ISOC1: variants seen among roughly 807,000 people sequenced by gnomAD.
ISOC1 encodes isochorismatase domain-containing protein 1.
ISOC1 carries 33 observed loss-of-function variants against 30.0 expected under a neutral mutation model. The ratio of observed to expected loss-of-function variants is 1.10; its 90% confidence interval spans 0.83 to 1.47. The LOEUF (loss-of-function observed/expected upper bound fraction) is 1.47. Ranked by LOEUF, ISOC1 falls within the 40% of genes most tolerant of loss-of-function variation. ISOC1 has a pLI of 0.00. For synonymous variants in ISOC1, 178 were observed against 159.8 expected (o/e 1.11, Z -0.86); for missense variants, 372 against 388.0 (o/e 0.96, Z 0.35).
chr5:129,112,873 A>T lies in ISOC1; in HGVS notation c.769A>T (p.Ile257Phe), dbSNP rs1246285672. 1 of 1,613,226 alleles carries T rather than the reference A, an allele frequency of 6.2e-7. No homozygotes were observed. The highest frequency in any genetic ancestry group is 1.3e-5 in the African/African-American group (1 of 74,816). ...FALERLARTG[I>F]IVTTSEAVLL... ...GTTCAAGCGTCTCGCTCGAACCGGG[A>T]TCATAGTGACCACGAGTGAGGCTGT... is the stretch of plus-strand genomic sequence containing the variant. The change falls in exon 5 of 5, where the codon ATC becomes TTC. Residue 257 changes from isoleucine to phenylalanine, a missense_variant. Physicochemically the swap from Ile to Phe is conservative, Grantham distance 21. Coordinates refer to ENST00000173527, the MANE Select transcript of ISOC1 (RefSeq NM_016048.2).
intron 4 of ISOC1, among the ~76,000 whole-genome samples, chr5:129,109,039 C>T (rs996417916): frequency 2.0e-5 from 3 of 152,116 alleles, no homozygotes; most frequent in Non-Finnish European, 4.4e-5. Context: ...GGACTTTTTT[C>T]AAGGACTTTT....
intron 4 of ISOC1, among the ~76,000 whole-genome samples, chr5:129,108,002 T>G (rs149241897): frequency 4.6e-5 from 7 of 152,354 alleles, no homozygotes; most frequent in African/African-American, 1.7e-4. Context: ...TCTCTCTCTC[T>G]CTCATATTTA....
At chr5:129,102,198 A>C (rs1753580415) in intron 1 of ISOC1, among the ~76,000 whole-genome samples, 1 of 152,208 alleles carries the variant, frequency 6.6e-6, no homozygotes, top group Non-Finnish European at 1.5e-5. Flanking sequence ...TACTCTCCAC[A>C]TCATATTCAA....
At chr5:129,098,463 A>C (rs887581698) in intron 1 of ISOC1, among the ~76,000 whole-genome samples, 2 of 152,162 alleles carry the variant, frequency 1.3e-5, no homozygotes, top group African/African-American at 4.8e-5. Flanking sequence ...GATTTACGTC[A>C]TTTTTATGAC....
At chr5:129,099,241 C>T (rs1442518595) in intron 1 of ISOC1, among the ~76,000 whole-genome samples, 1 of 152,122 alleles carries the variant, frequency 6.6e-6, no homozygotes, top group Non-Finnish European at 1.5e-5. Flanking sequence ...CCAAGGGAAT[C>T]CCAATGTAGA....
chr5:129,102,809 C>A (rs1400416766), intron 1 of ISOC1, among the ~76,000 whole-genome samples: 1 of 152,148 alleles, frequency 6.6e-6, no homozygotes, highest in Non-Finnish European at 1.5e-5. Flanking sequence ...CAGCAGTTTC[C>A]TTTCTGATTT....
At position 129,113,073 on chromosome 5, in the gene ISOC1, CTCT is replaced by C. The variant is rs1753732067; in HGVS notation, c.*77_*79del. On this transcript the variant is annotated 3_prime_UTR_variant, in exon 5 of 5. Transcript: ENST00000173527. Reference sequence around the variant, plus strand: ...GTGAAGGACTGTAAGCCCACACAAGCTCTTCTTATCTCTACTAGAATTAAAATG... The same window carrying C: ...GTGAAGGACTGTAAGCCCACACAAGCTCTTATCTCTACTAGAATTAAAATG... 2.7e-5 allele frequency: 36 copies of C among 1,348,166 alleles called. No homozygotes were observed. The highest frequency in any genetic ancestry group is 3.4e-5 in the Non-Finnish European group (34 of 991,260). The allele number at this position is 1,348,166 out of a possible 1,614,324, so 83.5% of individuals were successfully genotyped here.
At chr5:129,109,291 T>C (rs940445272) in intron 4 of ISOC1, among the ~76,000 whole-genome samples, 2 of 152,240 alleles carry the variant, frequency 1.3e-5, no homozygotes, top group African/African-American at 2.4e-5. Flanking sequence ...TTGTGTAATC[T>C]CTATGCCTCA....
At chr5:129,111,470 A>G (rs1753708710) in intron 4 of ISOC1, among the ~76,000 whole-genome samples, 1 of 152,162 alleles carries the variant, frequency 6.6e-6, no homozygotes, top group African/African-American at 2.4e-5. Context: ...ATGTACAGCC[A>G]TTGAAGGAAG....
In ISOC1 at chr5:129,096,780, G is replaced by A. The variant is rs1041578405; in HGVS notation, c.309+1705G>A. On this transcript the variant is annotated intron_variant, in intron 1 of 4. Transcript: ENST00000173527. ...GGACTAAGGATGCAGACTTCTTTAT[G>A]AAGCATTTCCTGTTACGGCTTGGAG... Among the ~76,000 whole-genome samples, 3 of 152,232 alleles carry A rather than the reference G, an allele frequency of 2.0e-5. No homozygotes were observed. The South Asian group carries it at 6.2e-4, about 32-fold the overall frequency.
At position 129,106,081 on chromosome 5, in the gene ISOC1, T is replaced by C. The variant is rs139282303; in HGVS notation, c.633+693T>C. ...ATGTATATTCAATATTTCTGTATTT[T>C]GGCACAGTAAAGAAGAAGCCTGTTT... On this transcript the variant is annotated intron_variant, in intron 3 of 4. Transcript: ENST00000173527. Among the ~76,000 whole-genome samples, 76 of 152,330 alleles carry C rather than the reference T, an allele frequency of 5.0e-4. No homozygotes were observed. In the East Asian group the frequency reaches 0.012, roughly 24 times the overall value.
chr5:129,107,179 T>G (rs974085445), intron 4 of ISOC1, 117 bp downstream of exon 4: 4 of 749,358 alleles, frequency 5.3e-6, no homozygotes, highest in African/African-American at 5.2e-5. Flanking sequence ...GGTCTGGCAA[T>G]ATCAGACTAA....
intron 1 of ISOC1, among the ~76,000 whole-genome samples, chr5:129,102,710 C>T (rs1278110245): frequency 3.9e-5 from 6 of 152,164 alleles, no homozygotes; most frequent in Non-Finnish European, 7.3e-5. Flanking sequence ...TAGACTGTAG[C>T]ATTATTTGAG....
intron 4 of ISOC1, among the ~76,000 whole-genome samples, chr5:129,111,514 T>C (rs1753709166): frequency 6.6e-6 from 1 of 152,222 alleles, no homozygotes; most frequent in African/African-American, 2.4e-5. Flanking sequence ...ATTTTGGCTA[T>C]GCAAGGGCTT....
chr5:129,105,717 A>C (rs1753630288), intron 3 of ISOC1, among the ~76,000 whole-genome samples: 1 of 152,120 alleles, frequency 6.6e-6, no homozygotes, highest in South Asian at 2.1e-4. Context: ...TACTTTTGGA[A>C]TACATTTTCA....
chr5:129,099,420 T>C (rs759979055), intron 1 of ISOC1, among the ~76,000 whole-genome samples: 2 of 152,208 alleles, frequency 1.3e-5, no homozygotes, highest in Non-Finnish European at 2.9e-5. Context: ...GGTTGTAACC[T>C]TATGCCAGTG....
chr5:129,111,837 A>G (rs976701646), intron 4 of ISOC1, among the ~76,000 whole-genome samples: 4 of 151,902 alleles, frequency 2.6e-5, no homozygotes, highest in Non-Finnish European at 5.9e-5. Context: ...CCACTGGGGC[A>G]GTTTGGCAAG....
At chr5:129,106,892 AACT>A in intron 3 of ISOC1, 51 bp from the exon 4 acceptor site, 1 of 1,253,240 alleles carries the variant, frequency 8.0e-7, no homozygotes, top group Admixed American at 1.8e-5. Context: ...TACATTTGTA[AACT>A]ACTTTTAGTT....
intron 4 of ISOC1, among the ~76,000 whole-genome samples, chr5:129,109,569 G>T (rs10035098): frequency 0.1 from 15,328 of 152,194 alleles, 1,032 homozygotes; most frequent in African/African-American, 0.19. Flanking sequence ...GTTGTCTGGG[G>T]TGGATTTGGA....
Sources: gnomAD v4.1 joint callset for allele counts (sites outside exome capture counted in the v4.1 genomes callset) on GRCh38, gnomAD v4.1.1 for gene constraint, MANE v1.5 for transcripts, NCBI Gene and HGNC (gene_info 2026-07-23, HGNC 2026-07-21) for gene names.